KPNB1: variants seen among roughly 807,000 people sequenced by gnomAD.
The protein encoded by KPNB1 is karyopherin subunit beta 1, also known as importin subunit beta-1.
In KPNB1, 7 loss-of-function variants were observed where a neutral mutation model predicts 113.0. The observed-to-expected ratio is 0.06, with a 90% CI of 0.04 to 0.12. The LOEUF is 0.12. Among genes scored for constraint, KPNB1 ranks in the 10% least tolerant of loss-of-function variants. The pLI is 1.00. For synonymous variants in KPNB1, 363 were observed against 378.6 expected (o/e 0.96, Z 0.48); for missense variants, 400 against 1,054.8 (o/e 0.38, Z 8.60).
intron 4 of KPNB1, among the ~76,000 whole-genome samples, chr17:47,657,416 C>T (rs542050044): frequency 2.6e-5 from 4 of 152,134 alleles, no homozygotes; most frequent in South Asian, 2.1e-4. Context: ...TACAACATTA[C>T]GGAAAGTTTT....
At chr17:47,666,004 T>G (rs1488482142) in intron 9 of KPNB1, among the ~76,000 whole-genome samples, 1 of 152,088 alleles carries the variant, frequency 6.6e-6, no homozygotes, top group Admixed American at 6.6e-5. Context: ...ATGAACTGGG[T>G]GTTCCCTTAA....
At chr17:47,680,173 C>G (rs368068714) in intron 20 of KPNB1, 39 bp downstream of exon 20, 2 of 1,355,302 alleles carry the variant, frequency 1.5e-6, no homozygotes, top group East Asian at 4.6e-5. Flanking sequence ...AATAGAACTT[C>G]TCACAGAAAA....
At chr17:47,664,103 C>T (rs2030193621) in intron 7 of KPNB1, 56 bp from the exon 8 acceptor site, 2 of 1,078,914 alleles carry the variant, frequency 1.9e-6, no homozygotes, top group Admixed American at 3.6e-5. Context: ...CGGGTTGGGG[C>T]AGGGACTCAC....
intron 19 of KPNB1, among the ~76,000 whole-genome samples, chr17:47,679,128 T>C (rs959545066): frequency 6.6e-6 from 1 of 151,462 alleles, no homozygotes; most frequent in African/African-American, 2.4e-5. Flanking sequence ...GATTTCACCA[T>C]GTTTTGCAGG....
chr17:47,675,394 T>TTTTTTTTTTTTTTTTTG (rs2030586210), intron 15 of KPNB1, among the ~76,000 whole-genome samples: 1 of 137,686 alleles, frequency 7.3e-6, no homozygotes, highest in African/African-American at 2.8e-5. Context: ...TGTTTGTTTT[T>TTTTTTTTTTTTTTTTTG]TTTTTGAGAC....
intron 19 of KPNB1, 46 bp downstream of exon 19, chr17:47,678,459 C>G: frequency 7.4e-7 from 1 of 1,355,722 alleles, no homozygotes; most frequent in South Asian, 1.2e-5. Context: ...CCAATGTGCA[C>G]TTAGCCAAGT....
chr17:47,681,686 G>GTTTTTTTTTTTTTTT (rs59222945), intron 21 of KPNB1, among the ~76,000 whole-genome samples: 39 of 96,042 alleles, frequency 4.1e-4, no homozygotes, highest in Non-Finnish European at 5.5e-4. Context: ...GGAATTATAG[G>GTTTTTTTTTTTTTTT]TTTTTTTTTT....
At chr17:47,656,301 G>T (rs373802689) in intron 3 of KPNB1, among the ~76,000 whole-genome samples, 12 of 152,152 alleles carry the variant, frequency 7.9e-5, no homozygotes, top group African/African-American at 2.4e-4. Flanking sequence ...GGGCACAGTG[G>T]CTCACACCTG....
intron 15 of KPNB1, 110 bp downstream of exon 15, chr17:47,674,892 C>G (rs1031560807): frequency 2.6e-6 from 3 of 1,144,232 alleles, no homozygotes; most frequent in African/African-American, 3.1e-5. Flanking sequence ...TCTTGGCGCA[C>G]TGCAGCCTTG....
intron 4 of KPNB1, among the ~76,000 whole-genome samples, chr17:47,657,481 GC>G (rs1302216226): frequency 3.3e-5 from 5 of 152,048 alleles, no homozygotes; most frequent in Non-Finnish European, 5.9e-5. Context: ...TTTAGATGTA[GC>G]CCCCCCAGCA....
At chr17:47,657,438 A>G (rs1029413288) in intron 4 of KPNB1, among the ~76,000 whole-genome samples, 3 of 152,126 alleles carry the variant, frequency 2.0e-5, no homozygotes, top group Admixed American at 2.0e-4. Context: ...CCAACATTTG[A>G]TGTAGTTGGT....
chr17:47,675,511 G>A (rs559707925), intron 15 of KPNB1, among the ~76,000 whole-genome samples: 1 of 151,620 alleles, frequency 6.6e-6, no homozygotes, highest in African/African-American at 2.4e-5. Flanking sequence ...GAGTAGCTGG[G>A]ATTATAGGCA....
rs1555619221 is a variant in KPNB1 at position 47,675,358 on chromosome 17, G to GTTTTTTTTTTTTTTTTTTTTTT, written c.1912+578_1912+579insTTTTTTTTTTTTTTTTTTTTTT. On this transcript the variant is annotated intron_variant, in intron 15 of 21. Transcript: ENST00000290158. ...GTTTGCAACGGAGATTGGCAGAGGT[G>GTTTTTTTTTTTTTTTTTTTTTT]TTGTTTTTTTTTTGTTTTTTTTTTT... 5.6e-5 allele frequency among the ~76,000 whole-genome samples: 5 copies of GTTTTTTTTTTTTTTTTTTTTTT among 88,860 alleles called. 1 individual carries two copies. The highest frequency in any genetic ancestry group is 0.013 in the Middle Eastern group (2 of 154). The allele number at this position is 88,860 out of a possible 152,430, so 58.3% of individuals were successfully genotyped here. A position where few individuals can be genotyped will look rare whatever the true frequency, so the allele number is the denominator to read the frequency against.
rs1373260213 is a variant in KPNB1 at position 47,650,237 on chromosome 17, C to T, written c.-8C>T. 6.3e-7 allele frequency: 1 copy of T among 1,581,700 alleles called. No individual in the cohort carries two copies. Among genetic ancestry groups the T allele is most frequent in the South Asian group, 1.1e-5 (1 of 87,938 alleles). ...TTAGGAGGAGTCGCCGCCGCCGCCA[C>T]CTCCGCCATGGAGCTGATCACCATT... On this transcript the variant is annotated 5_prime_UTR_variant, in exon 1 of 22. Coordinates refer to ENST00000290158, the MANE Select transcript of KPNB1 (RefSeq NM_002265.6).
chr17:47,668,948 C>T (rs1266419355), intron 10 of KPNB1, among the ~76,000 whole-genome samples: 2 of 149,426 alleles, frequency 1.3e-5, no homozygotes, highest in African/African-American at 4.9e-5. Context: ...GCCTGGGCAA[C>T]GAGCGAAACT....
rs1057390529 is a variant in KPNB1 at position 47,683,578 on chromosome 17, G to C, written c.*1174G>C. On this transcript the variant is annotated 3_prime_UTR_variant, in exon 22 of 22. Coordinates refer to ENST00000290158, the MANE Select transcript of KPNB1 (RefSeq NM_002265.6). ...CAGCAAACTTCAGGTAACTATTTTG[G>C]ATTGCAAACAGGATAAATTAAATGT... 7.7e-6 allele frequency: 1 copy of C among 129,294 alleles called. No homozygotes were observed. The highest frequency in any genetic ancestry group is 1.8e-5 in the Non-Finnish European group (1 of 57,018). 8.0% of individuals were successfully genotyped at this position (129,294 alleles called of 1,614,324 possible).
chr17:47,652,591 C>A, intron 2 of KPNB1, 103 bp from the exon 3 acceptor site: 1 of 801,228 alleles, frequency 1.2e-6, no homozygotes. Context: ...GACATTAGTT[C>A]CCCCCCTCGC....
intron 15 of KPNB1, among the ~76,000 whole-genome samples, chr17:47,675,358 G>GTTTTT (rs1555619221): frequency 1.7e-4 from 15 of 88,858 alleles, no homozygotes; most frequent in African/African-American, 3.9e-4. Flanking sequence ...TGGCAGAGGT[G>GTTTTT]TTGTTTTTTT....
chr17:47,665,302 C>T, intron 9 of KPNB1, 144 bp downstream of exon 9: 3 of 656,070 alleles, frequency 4.6e-6, no homozygotes, highest in Non-Finnish European at 8.1e-6. Context: ...TAAGCTGCAT[C>T]TATAAGATCC....
Sources: allele counts gnomAD v4.1 joint callset (sites outside exome capture counted in the v4.1 genomes callset), GRCh38; gene constraint gnomAD v4.1.1; transcripts MANE v1.5; gene names NCBI Gene and HGNC (gene_info 2026-07-23, HGNC 2026-07-21).